Variants in NUP98 observed in about 807,000 individuals in gnomAD.
The protein encoded by NUP98 is nuclear pore complex protein Nup98-Nup96.
A neutral mutation model predicts 191.9 loss-of-function variants in NUP98; 26 were observed. The observed-to-expected ratio is 0.14, with a 90% CI of 0.10 to 0.19. The LOEUF is 0.19. Ranked by LOEUF, NUP98 falls within the 10% of genes least tolerant of loss-of-function variation. The pLI, the probability that NUP98 is intolerant of heterozygous loss-of-function variation, is 1.00. For synonymous variants in NUP98, 808 were observed against 778.4 expected (o/e 1.04, Z -0.63); for missense variants, 1,941 against 2,178.8 (o/e 0.89, Z 2.17).
intron 20 of NUP98, 168 bp downstream of exon 20, chr11:3,712,396 T>A: frequency 7.1e-7 from 1 of 1,403,490 alleles, no homozygotes; most frequent in Non-Finnish European, 9.2e-7. Context: ...AAAAGACAGA[T>A]GCCTGCAAGA....
At chr11:3,698,719 C>A (rs1042367521) in intron 25 of NUP98, among the ~76,000 whole-genome samples, 3 of 103,800 alleles carry the variant, frequency 2.9e-5, no homozygotes, top group Non-Finnish European at 5.2e-5. Flanking sequence ...AAGAGTGAAA[C>A]TGTCTCAAAA....
At chr11:3,730,471 C>G (rs2079800700) in intron 14 of NUP98, among the ~76,000 whole-genome samples, 1 of 151,878 alleles carries the variant, frequency 6.6e-6, no homozygotes, top group Admixed American at 6.6e-5. Flanking sequence ...ATTCTCCTGC[C>G]TCAGCCTCCC....
chr11:3,791,677 T>G (rs1564939126), intron 1 of NUP98, among the ~76,000 whole-genome samples: 1 of 151,410 alleles, frequency 6.6e-6, no homozygotes, highest in Admixed American at 6.6e-5. Context: ...ACCCTGTCTC[T>G]GCTAAAAATA....
chr11:3,779,400 G>C, intron 2 of NUP98, 143 bp from the exon 3 acceptor site: 1 of 716,976 alleles, frequency 1.4e-6, no homozygotes, highest in Non-Finnish European at 2.4e-6. Flanking sequence ...CCAGCACTTT[G>C]GGAGGCCGAG....
intron 10 of NUP98, among the ~76,000 whole-genome samples, chr11:3,757,551 C>A (rs747909291): frequency 9.9e-5 from 15 of 152,056 alleles, no homozygotes; most frequent in Non-Finnish European, 2.9e-5. Flanking sequence ...GTAATCCCAG[C>A]ACTTTGGGAG....
intron 23 of NUP98, among the ~76,000 whole-genome samples, chr11:3,701,727 C>T (rs973725760): frequency 6.6e-6 from 1 of 150,588 alleles, no homozygotes. Flanking sequence ...ATTCAGTTGC[C>T]CAGGCTAGAG....
chr11:3,681,009 T>A (rs2077967300), intron 30 of NUP98, among the ~76,000 whole-genome samples: 1 of 152,004 alleles, frequency 6.6e-6, no homozygotes, highest in African/African-American at 2.4e-5. Context: ...TACAGGAACA[T>A]AACACCATGC....
intron 6 of NUP98, among the ~76,000 whole-genome samples, chr11:3,772,141 C>T (rs942961596): frequency 6.6e-6 from 1 of 151,940 alleles, no homozygotes; most frequent in Admixed American, 6.6e-5. Flanking sequence ...AACTACAAGC[C>T]AAAGAGTCAA....
At chr11:3,681,204 C>G (rs975294788) in intron 30 of NUP98, among the ~76,000 whole-genome samples, 5 of 152,072 alleles carry the variant, frequency 3.3e-5, no homozygotes, top group Non-Finnish European at 7.4e-5. Context: ...CCATGCTCAG[C>G]TAATTTTTGT....
chr11:3,759,313 T>G (rs185116147), intron 10 of NUP98, among the ~76,000 whole-genome samples: 1 of 152,102 alleles, frequency 6.6e-6, no homozygotes, highest in South Asian at 2.1e-4. Context: ...ATTGAAAATA[T>G]TGACTGGGTG....
At chr11:3,700,540 C>T in intron 24 of NUP98, 70 bp downstream of exon 24, 1 of 1,073,454 alleles carries the variant, frequency 9.3e-7, no homozygotes, top group Non-Finnish European at 1.4e-6. Context: ...GGAAATTCAT[C>T]CTCCCGTGAA....
intron 6 of NUP98, 95 bp downstream of exon 6, chr11:3,773,537 C>G (rs1203599501): frequency 1.5e-6 from 1 of 662,030 alleles, no homozygotes; most frequent in Admixed American, 3.5e-5. Flanking sequence ...CAAACTGAAC[C>G]ACTCTATCCT....
chr11:3,738,400 T>C (rs943984968), intron 12 of NUP98, among the ~76,000 whole-genome samples: 2 of 152,228 alleles, frequency 1.3e-5, no homozygotes, highest in African/African-American at 4.8e-5. Flanking sequence ...ATTAAAGGGA[T>C]AGGGAAAAGT....
In NUP98 at chr11:3,762,374, G is replaced by A. The variant is rs187309926; in HGVS notation, c.1086+528C>T. Among the ~76,000 whole-genome samples, 14 of 151,520 alleles carry A rather than the reference G, an allele frequency of 9.2e-5. 1 individual carries two copies. The highest frequency in any genetic ancestry group is 4.6e-4 in the Admixed American group (7 of 15,180). On this transcript the variant is annotated intron_variant, in intron 9 of 32. Coordinates refer to ENST00000324932, the MANE Select transcript of NUP98 (RefSeq NM_016320.5). ...TGACCTCAGGTGATCCACCCACCTC[G>A]GCCTCCCAGAGTGCTGGGATTACAG...
chr11:3,734,167 C>T (rs1040057311), intron 13 of NUP98, among the ~76,000 whole-genome samples: 2 of 152,052 alleles, frequency 1.3e-5, no homozygotes, highest in Non-Finnish European at 2.9e-5. Context: ...TCCCAAGTAG[C>T]TGTGATTACA....
Position 3,725,119 on chromosome 11 carries a change from G to C in NUP98, c.1831C>G (p.Pro611Ala). The stretch of plus-strand genomic sequence containing the variant: ...TCAGTGTACCTCTCTCCATTTTCTG[G>C]ATATTCAGATGGTGAAGCTAGATTT... The part of the protein sequence containing the change: ...SENLASPSEY[P>A]ENGERFSFLS... Residue 611 changes from proline to alanine, a missense_variant, in exon 15 of 33, where the codon CCA (proline) becomes GCA (alanine). Pro to Ala is a conservative substitution (Grantham distance 27). This residue lies in a region of NUP98 where 453 missense variants were observed against 438.2 expected (regional missense o/e 1.03). Transcript: ENST00000324932. 6.6e-7 allele frequency: 1 copy of C among 1,517,302 alleles called. No homozygotes were observed. Among genetic ancestry groups the C allele is most frequent in the Non-Finnish European group, 9.1e-7 (1 of 1,093,144 alleles). The allele number at this position is 1,517,302 out of a possible 1,614,324, so 94.0% of individuals were successfully genotyped here. A position where few individuals can be genotyped will look rare whatever the true frequency, so the allele number is the denominator to read the frequency against.
At chr11:3,712,255 G>A (rs2079041588) in intron 20 of NUP98, 1 of 1,139,922 alleles carries the variant, frequency 8.8e-7, no homozygotes, top group East Asian at 4.2e-5. Context: ...GAACCCACAT[G>A]AGCAAATCTT....
intron 20 of NUP98, 103 bp from the exon 21 acceptor site, chr11:3,706,730 TAG>T: frequency 8.8e-7 from 1 of 1,131,480 alleles, no homozygotes; most frequent in South Asian, 1.5e-5. Flanking sequence ...CAACAATTAT[TAG>T]ATTCAGCCCA....
chr11:3,691,393 G>A lies in NUP98; in HGVS notation c.4408C>T (p.Pro1470Ser), dbSNP rs1354999549. ...VIAEEQNSQTPLRDVCFHLLK... is the reference protein window; with the variant it reads ...VIAEEQNSQTSLRDVCFHLLK... Reference sequence around the variant, plus strand: ...AGGTGAAAGCAGACATCTCGAAGTGGTGTCTGTGAGTTTTGCTCCTCCGCT... The same window carrying A: ...AGGTGAAAGCAGACATCTCGAAGTGATGTCTGTGAGTTTTGCTCCTCCGCT... Residue 1470 changes from proline to serine, a missense_variant, in exon 28 of 33, where the codon CCA becomes TCA. Around this residue, in one of 6 missense-constraint regions of NUP98, gnomAD observed 1,030 missense variants for 1,115.8 expected, o/e 0.92. Transcript: ENST00000324932. 16 of 1,614,030 alleles carry A rather than the reference G, an allele frequency of 9.9e-6. No individual in the cohort carries two copies. The East Asian group carries it at 3.3e-4, about 34-fold the overall frequency.
Sources: gnomAD v4.1 joint callset for allele counts (sites outside exome capture counted in the v4.1 genomes callset) on GRCh38, gnomAD v4.1.1 for gene constraint, gnomAD v4.1.1 regional missense constraint, MANE v1.5 for transcripts, NCBI Gene and HGNC (gene_info 2026-07-23, HGNC 2026-07-21) for gene names.